MAPK14: variants seen among roughly 807,000 people sequenced by gnomAD.
The protein encoded by MAPK14 is CSAID-binding protein.
In MAPK14, 16 loss-of-function variants were observed where a neutral mutation model predicts 49.6. That is an observed-to-expected ratio of 0.32 (90% CI 0.22 to 0.49). The LOEUF (loss-of-function observed/expected upper bound fraction) is 0.49, where lower values mean the gene tolerates loss of function less well. Among genes scored for constraint, MAPK14 ranks in the 20% least tolerant of loss-of-function variants. The pLI is 0.99. For missense variants in MAPK14, 200 were observed against 441.2 expected, an observed-to-expected ratio of 0.45 and a Z score of 4.90; for synonymous variants, 142 against 158.0, an observed-to-expected ratio of 0.90 and a Z score of 0.76.
chr6:36,031,832 C>T (rs547312805), intron 1 of MAPK14, among the ~76,000 whole-genome samples: 7 of 152,146 alleles, frequency 4.6e-5, no homozygotes, highest in Middle Eastern at 3.2e-3. Context: ...GGTGATACTA[C>T]TGTTTTAGGT....
chr6:36,085,813 A>G (rs1263708412), intron 8 of MAPK14, among the ~76,000 whole-genome samples: 1 of 152,180 alleles, frequency 6.6e-6, no homozygotes, highest in African/African-American at 2.4e-5. Context: ...TGGACCTGAT[A>G]GATAGCTACA....
chr6:36,086,178 A>G (rs1316403539), intron 8 of MAPK14, among the ~76,000 whole-genome samples: 3 of 152,180 alleles, frequency 2.0e-5, no homozygotes, highest in East Asian at 1.9e-4. Flanking sequence ...AGTTTATAGC[A>G]CTAAATGCCC....
chr6:36,103,910 G>C (rs1376919073), intron 10 of MAPK14, among the ~76,000 whole-genome samples: 1 of 152,164 alleles, frequency 6.6e-6, no homozygotes, highest in Non-Finnish European at 1.5e-5. Flanking sequence ...TGGGTCATCT[G>C]TCTTCTTAAG....
chr6:36,040,703 G>A lies in MAPK14; in HGVS notation c.117-11996G>A, dbSNP rs537882070. Among the ~76,000 whole-genome samples the A allele has an allele frequency of 4.6e-5, 7 of 152,274 alleles. No individual in the cohort carries two copies. In the South Asian group the frequency reaches 1.0e-3, roughly 23 times the overall value. ...TTGTCATTGTCATGGCCCCAACTTA[G>A]GGTGTTTTGAATTTTTTCTGGAAAG... On this transcript the variant is annotated intron_variant, in intron 1 of 11. Coordinates refer to ENST00000229794, the MANE Select transcript of MAPK14 (RefSeq NM_139012.3).
In MAPK14 at chr6:36,102,984, T is replaced by C. The variant is rs529859637; in HGVS notation, c.841+335T>C. Among the ~76,000 whole-genome samples the C allele has an allele frequency of 2.0e-5, 3 of 152,326 alleles. No homozygotes were observed. The South Asian group carries it at 6.2e-4, about 32-fold the overall frequency. Reference sequence around the variant, plus strand: ...AAAGCTGTAACTTGCTCACAACTGCTGTGGATTTATGGTGTCTCTGAGTGG... The same window carrying C: ...AAAGCTGTAACTTGCTCACAACTGCCGTGGATTTATGGTGTCTCTGAGTGG... On this transcript the variant is annotated intron_variant, in intron 10 of 11. Transcript: ENST00000229794.
chr6:36,121,126 C>T, the MAPK14 span, among the ~76,000 whole-genome samples: 3 of 151,922 alleles, frequency 2.0e-5, no homozygotes, highest in South Asian at 2.1e-4. Flanking sequence ...CAAGCAAAGA[C>T]GTGGTGACAG....
chr6:36,123,716 A>G, the MAPK14 span, among the ~76,000 whole-genome samples: 41 of 152,332 alleles, frequency 2.7e-4, no homozygotes, highest in African/African-American at 9.6e-4. Context: ...GACATGTCAC[A>G]GGAGACAATG....
At chr6:36,061,197 A>G (rs2127427897) in intron 3 of MAPK14, among the ~76,000 whole-genome samples, 1 of 152,344 alleles carries the variant, frequency 6.6e-6, no homozygotes, top group South Asian at 2.1e-4. Context: ...GTATCCCAAA[A>G]TTTTAGGTAT....
At chr6:36,085,949 A>T (rs1349540727) in intron 8 of MAPK14, among the ~76,000 whole-genome samples, 1 of 152,204 alleles carries the variant, frequency 6.6e-6, no homozygotes, top group African/African-American at 2.4e-5. Context: ...TGAAAATATA[A>T]CACACAGCCT....
chr6:36,054,057 C>T lies in MAPK14; in HGVS notation c.246+1229C>T, dbSNP rs773397768. 5.8e-4 allele frequency among the ~76,000 whole-genome samples: 87 copies of T among 151,206 alleles called. 1 individual carries two copies. The highest frequency in any genetic ancestry group is 5.4e-4 in the Non-Finnish European group (37 of 67,944). ...GCCTTCCTAATCAGTGACATGTTTACAAGAAGTTGAGATATGCGGAAAAAG... is the reference window on the plus strand; with the variant it reads ...GCCTTCCTAATCAGTGACATGTTTATAAGAAGTTGAGATATGCGGAAAAAG... On this transcript the variant is annotated intron_variant, in intron 2 of 11. Transcript: ENST00000229794.
chr6:36,052,632 T>G, intron 1 of MAPK14, 67 bp from the exon 2 acceptor site: 1 of 1,455,490 alleles, frequency 6.9e-7, no homozygotes, highest in South Asian at 1.4e-5. Flanking sequence ...AATAGCCTTA[T>G]AAATACCCCA....
At chr6:36,079,086 T>C (rs778216596) in intron 8 of MAPK14, among the ~76,000 whole-genome samples, 3 of 152,246 alleles carry the variant, frequency 2.0e-5, no homozygotes, top group Non-Finnish European at 4.4e-5. Context: ...TTGGCTGGTC[T>C]TGAAGATGTT....
intron 1 of MAPK14, among the ~76,000 whole-genome samples, chr6:36,046,205 C>T (rs758499718): frequency 2.0e-5 from 3 of 152,066 alleles, no homozygotes; most frequent in Non-Finnish European, 2.9e-5. Flanking sequence ...TTTTATATTT[C>T]TTTCAGTTAT....
the MAPK14 span, among the ~76,000 whole-genome samples, chr6:36,116,896 G>A: frequency 2.0e-5 from 3 of 152,118 alleles, no homozygotes; most frequent in Admixed American, 6.5e-5. Flanking sequence ...TCTCAGTCAC[G>A]TTACAACTGA....
intron 9 of MAPK14, 93 bp downstream of exon 9, chr6:36,096,159 C>A: frequency 2.4e-6 from 2 of 842,676 alleles, no homozygotes; most frequent in Admixed American, 2.0e-5. Flanking sequence ...TGTTTGTAAG[C>A]ACACATGCCC....
downstream of MAPK14, among the ~76,000 whole-genome samples, chr6:36,115,991 C>T (rs544774831): frequency 4.6e-4 from 70 of 151,920 alleles, no homozygotes; most frequent in African/African-American, 1.5e-3. Context: ...CACCTGTAGT[C>T]CCAGCTACTG....
At position 36,043,804 on chromosome 6, in the gene MAPK14, CTTTT is replaced by C. The variant is rs796534477; in HGVS notation, c.117-8875_117-8872del. Among the ~76,000 whole-genome samples, 98 of 90,390 alleles carry C rather than the reference CTTTT, an allele frequency of 1.1e-3. No individual in the cohort carries two copies. The South Asian group carries it at 0.036, about 33-fold the overall frequency. The allele number at this position is 90,390 out of a possible 152,430, so 59.3% of individuals were successfully genotyped here. On this transcript the variant is annotated intron_variant, in intron 1 of 11. Transcript: ENST00000229794. The stretch of plus-strand genomic sequence containing the variant: ...TAGATATTCTTTTTTCTTTTTCTTT[CTTTT>C]TTTTTTTTTTTTTTTTTTTGAGATG...
At chr6:36,123,337 T>C in the MAPK14 span, among the ~76,000 whole-genome samples, 3 of 152,162 alleles carry the variant, frequency 2.0e-5, no homozygotes, top group Admixed American at 2.0e-4. Flanking sequence ...TGCTAGGACC[T>C]TGGGGGCCCC....
At chr6:36,055,073 T>C (rs1763542141) in intron 2 of MAPK14, among the ~76,000 whole-genome samples, 1 of 152,258 alleles carries the variant, frequency 6.6e-6, no homozygotes, top group South Asian at 2.1e-4. Context: ...GGATGTCCTC[T>C]GTGACTGTGA....
Sources: allele counts gnomAD v4.1 joint callset (sites outside exome capture counted in the v4.1 genomes callset), GRCh38; gene constraint gnomAD v4.1.1; transcripts MANE v1.5; gene names NCBI Gene and HGNC (gene_info 2026-07-23, HGNC 2026-07-21).